ZNF710: variants seen among roughly 807,000 people sequenced by gnomAD.
ZNF710 encodes the protein zinc finger protein 710.
Under a neutral mutation model 50.6 loss-of-function variants are expected in ZNF710, and 13 were observed. That is an observed-to-expected ratio of 0.26 (90% confidence interval 0.17 to 0.41). The LOEUF (loss-of-function observed/expected upper bound fraction) is 0.41. Among genes scored for constraint, ZNF710 ranks in the 10% least tolerant of loss-of-function variants. The probability of loss-of-function intolerance (pLI) is 1.00; values close to 1 mark genes in which losing one functional copy is unlikely to be tolerated. For missense variants in ZNF710, 721 were observed against 936.6 expected, an observed-to-expected ratio of 0.77 and a Z score of 3.01; for synonymous variants, 383 against 397.0, an observed-to-expected ratio of 0.96 and a Z score of 0.42.
intron 1 of ZNF710, among the ~76,000 whole-genome samples, chr15:90,016,044 A>T (rs1190101814): frequency 6.6e-6 from 1 of 152,200 alleles, no homozygotes; most frequent in Non-Finnish European, 1.5e-5. Flanking sequence ...CTCCGCAAGG[A>T]TATCTAGGAG....
chr15:90,048,238 G>T (rs1344140739), intron 1 of ZNF710, among the ~76,000 whole-genome samples: 4 of 152,232 alleles, frequency 2.6e-5, no homozygotes, highest in Non-Finnish European at 1.5e-5. Flanking sequence ...TTTGTAAACT[G>T]CAGAGGGCTG....
chr15:90,058,537 T>C (rs1242364655), intron 1 of ZNF710, among the ~76,000 whole-genome samples: 1 of 152,206 alleles, frequency 6.6e-6, no homozygotes, highest in South Asian at 2.1e-4. Context: ...TTCTGTACGC[T>C]GGTGTCTTTC....
intron 4 of ZNF710, among the ~76,000 whole-genome samples, 195 bp from the exon 5 acceptor site, chr15:90,079,465 C>T (rs1900669777): frequency 6.6e-6 from 1 of 152,212 alleles, no homozygotes; most frequent in African/African-American, 2.4e-5. Flanking sequence ...GCTTTGGGGC[C>T]TAGGTCTGGT....
At position 90,038,029 on chromosome 15, in the gene ZNF710, C is replaced by T. The variant is rs187596362; in HGVS notation, c.-28-29081C>T. ...GCTGTACCAAAGTGAGTGCTGGGGC[C>T]GCTAAGTGGTGCCCAGGTACTGATT... On this transcript the variant is annotated intron_variant, in intron 1 of 4. Transcript: ENST00000268154. Among the ~76,000 whole-genome samples, 159 of 152,306 alleles carry T rather than the reference C, an allele frequency of 1.0e-3. 1 individual carries two copies. Among genetic ancestry groups the T allele is most frequent in the Middle Eastern group, 0.01 (3 of 294 alleles).
At chr15:90,048,379 C>G (rs575327453) in intron 1 of ZNF710, among the ~76,000 whole-genome samples, 1 of 152,336 alleles carries the variant, frequency 6.6e-6, no homozygotes, top group African/African-American at 2.4e-5. Context: ...CACGGGGTTC[C>G]CAGGGGCAGG....
At position 90,063,701 on chromosome 15, in the gene ZNF710, T is replaced by C. The variant is rs969241832; in HGVS notation, c.-28-3409T>C. Among the ~76,000 whole-genome samples the C allele has an allele frequency of 2.6e-5, 4 of 152,238 alleles. No individual in the cohort carries two copies. In the East Asian group the frequency reaches 7.7e-4, roughly 29 times the overall value. On this transcript the variant is annotated intron_variant, in intron 1 of 4. Transcript: ENST00000268154. ...GGCCCGGTGTGGACGGTCAGCTCCA[T>C]GGTTACCCTTGCTGTAGGGAACCAC...
At chr15:90,039,999 T>C (rs78006037) in intron 1 of ZNF710, among the ~76,000 whole-genome samples, 2,791 of 152,242 alleles carry the variant, frequency 0.018, 92 homozygotes, top group African/African-American at 0.063. Context: ...AGAGAAGAGA[T>C]CTCTGGACAA....
At chr15:90,012,316 G>GTTTTTTTTTTT (rs1898330808) in intron 1 of ZNF710, among the ~76,000 whole-genome samples, 1 of 34,044 alleles carries the variant, frequency 2.9e-5, no homozygotes, top group Non-Finnish European at 6.5e-5. Flanking sequence ...TTTTTTTTTT[G>GTTTTTTTTTTT]TAGTCTTGCT....
intron 1 of ZNF710, among the ~76,000 whole-genome samples, chr15:90,016,618 T>G (rs1029376053): frequency 1.3e-5 from 2 of 152,128 alleles, no homozygotes; most frequent in South Asian, 2.1e-4. Flanking sequence ...ATTTTTAAAT[T>G]TTTTGTAGAG....
chr15:90,026,613 G>A (rs776670246), intron 1 of ZNF710, among the ~76,000 whole-genome samples: 2 of 152,106 alleles, frequency 1.3e-5, no homozygotes, highest in Admixed American at 6.5e-5. Context: ...ACATGGCAAA[G>A]AGACTATTTT....
In ZNF710 at chr15:90,023,994, C is replaced by CA. The variant is rs145288734; in HGVS notation, c.-29+22392dup. On this transcript the variant is annotated intron_variant, in intron 1 of 4. Transcript: ENST00000268154. ...AGTCTGGGTGACAGAGTGAGACCTT[C>CA]AAAAAAAAAAAAGCATGCTTGAAGG... is the stretch of plus-strand genomic sequence containing the variant. 7.8e-4 allele frequency among the ~76,000 whole-genome samples: 108 copies of CA among 139,160 alleles called. 1 individual carries two copies. The highest frequency in any genetic ancestry group is 3.6e-3 in the Middle Eastern group (1 of 274). 91.3% of individuals were successfully genotyped at this position (139,160 alleles called of 152,430 possible).
At chr15:90,049,687 A>T (rs1432794315) in intron 1 of ZNF710, among the ~76,000 whole-genome samples, 2 of 151,120 alleles carry the variant, frequency 1.3e-5, no homozygotes, top group East Asian at 1.9e-4. Context: ...TGCCCTCGAG[A>T]CCCTCTTCCG....
intron 1 of ZNF710, among the ~76,000 whole-genome samples, chr15:90,033,933 G>T (rs943782794): frequency 2.6e-5 from 4 of 152,182 alleles, no homozygotes; most frequent in African/African-American, 9.7e-5. Flanking sequence ...TGGATGCGGT[G>T]GCTCATGCCT....
intron 1 of ZNF710, among the ~76,000 whole-genome samples, chr15:90,009,147 A>G: frequency 6.7e-6 from 1 of 149,034 alleles, no homozygotes; most frequent in East Asian, 2.0e-4. Flanking sequence ...CCCGGACCCC[A>G]TCCCGTTCTC....
chr15:90,004,560 C>G (rs147130154), intron 1 of ZNF710, among the ~76,000 whole-genome samples: 277 of 152,278 alleles, frequency 1.8e-3, no homozygotes, highest in Middle Eastern at 0.01. Context: ...GGTGCTTGCT[C>G]CCAGCCCTTT....
intron 1 of ZNF710, among the ~76,000 whole-genome samples, chr15:90,012,902 TACTC>T (rs755883671): frequency 6.6e-6 from 1 of 152,180 alleles, no homozygotes; most frequent in Non-Finnish European, 1.5e-5. Flanking sequence ...AACAATCTCT[TACTC>T]CTTGTGTTTT....
Position 90,019,661 on chromosome 15 carries a change from G to A in ZNF710, c.-29+18047G>A, listed in dbSNP as rs575085198. Among the ~76,000 whole-genome samples the A allele has an allele frequency of 7.2e-5, 11 of 152,312 alleles. No homozygotes were observed. In the South Asian group the frequency reaches 2.1e-3, roughly 29 times the overall value. On this transcript the variant is annotated intron_variant, in intron 1 of 4. Coordinates refer to ENST00000268154, the MANE Select transcript of ZNF710 (RefSeq NM_198526.4). ...GGCAAGGAAGGGCCTGAGAGACTCC[G>A]GGCACAGCTGACCTAGGAAAGGGAG... is the stretch of plus-strand genomic sequence containing the variant.
In ZNF710 at chr15:90,034,019, T is replaced by A. The variant is rs1596278209; in HGVS notation, c.-29+32405T>A. ...GAGTTCAAGACCAGCTTGGCTAACATGGTGAAACCCTGTCTTTACTAAAAG... is the reference window on the plus strand; with the variant it reads ...GAGTTCAAGACCAGCTTGGCTAACAAGGTGAAACCCTGTCTTTACTAAAAG... On this transcript the variant is annotated intron_variant, in intron 1 of 4. Coordinates refer to ENST00000268154, the MANE Select transcript of ZNF710 (RefSeq NM_198526.4). This position sits in a 1 kb window ranked among gnomAD's most constrained non-coding sequence, Gnocchi z 4.0. 6.6e-6 allele frequency among the ~76,000 whole-genome samples: 1 copy of A among 152,188 alleles called. No homozygotes were observed. Among genetic ancestry groups the A allele is most frequent in the East Asian group, 1.9e-4 (1 of 5,166 alleles).
At chr15:90,013,138 G>A (rs1475120120) in intron 1 of ZNF710, among the ~76,000 whole-genome samples, 1 of 152,004 alleles carries the variant, frequency 6.6e-6, no homozygotes, top group East Asian at 1.9e-4. Flanking sequence ...CATTCTTGTT[G>A]CCCAGGCTGG....
Sources: allele counts gnomAD v4.1 joint callset (sites outside exome capture counted in the v4.1 genomes callset), GRCh38; gene constraint gnomAD v4.1.1; non-coding constraint Gnocchi (gnomAD v3.1); transcripts MANE v1.5; gene names NCBI Gene and HGNC (gene_info 2026-07-23, HGNC 2026-07-21).